The following CKMT1A variants were observed in gnomAD, a reference collection of about 807,000 sequenced individuals.
The protein encoded by CKMT1A is creatine kinase, mitochondrial 1A.
In CKMT1A, 23 loss-of-function variants were observed where a neutral mutation model predicts 21.8. That is an observed-to-expected ratio of 1.05 (90% CI 0.76 to 1.49). The LOEUF is 1.49. Ranked by LOEUF, CKMT1A falls within the 40% of genes most tolerant of loss-of-function variation. CKMT1A has a pLI of 0.00. For synonymous variants in CKMT1A, 67 were observed against 80.4 expected, an observed-to-expected ratio of 0.83 and a Z score of 0.89; for missense variants, 154 against 229.4, an observed-to-expected ratio of 0.67 and a Z score of 2.12.
Position 43,698,721 on chromosome 15 carries a change from C to A in CKMT1A, c.1092C>A (p.Gly364=), listed in dbSNP as rs199890737. The A allele has an allele frequency of 1.2e-6, 2 of 1,613,560 alleles. No homozygotes were observed. Among genetic ancestry groups the A allele is most frequent in the South Asian group, 2.2e-5 (2 of 91,032 alleles). Reference sequence around the variant, plus strand: ...GAGGAGTGGACACTGCTGCCACAGGCGGTGTCTTTGATATTTCTAATTTGG... The same window carrying A: ...GAGGAGTGGACACTGCTGCCACAGGAGGTGTCTTTGATATTTCTAATTTGG... ...GTGGVDTAAT[G]GVFDISNLDR... is the part of the protein sequence containing the mutation. The change falls in exon 8 of 9, where the codon GGC becomes GGA. Residue 364 remains glycine (G), a synonymous_variant. Coordinates refer to ENST00000413453, the MANE Select transcript of CKMT1A (RefSeq NM_001321926.2).
Position 43,697,245 on chromosome 15 carries a change from T to C in CKMT1A, c.877-769T>C, listed in dbSNP as rs1266726839. On this transcript the variant is annotated intron_variant, in intron 6 of 8. Transcript: ENST00000413453. Reference sequence around the variant, plus strand: ...TACAGGTAAAGTACTTGGTCCACAGTAAGTGCTTAATAAGTGTTAAAGTGT... The same window carrying C: ...TACAGGTAAAGTACTTGGTCCACAGCAAGTGCTTAATAAGTGTTAAAGTGT... 1.4e-5 allele frequency: 17 copies of C among 1,216,936 alleles called. No homozygotes were observed. In the Admixed American group the frequency reaches 6.0e-4, roughly 43 times the overall value. The allele number at this position is 1,216,936 out of a possible 1,614,324, so 75.4% of individuals were successfully genotyped here. A position where few individuals can be genotyped will look rare whatever the true frequency, so the allele number is the denominator to read the frequency against.
intron 6 of CKMT1A, 92 bp downstream of exon 6, chr15:43,696,455 C>G: frequency 2.5e-6 from 4 of 1,586,344 alleles, no homozygotes; most frequent in Non-Finnish European, 3.4e-6. Context: ...TCAACCAACC[C>G]AAGACATGTC....
chr15:43,698,616 C>T lies in CKMT1A; in HGVS notation c.1012-25C>T, dbSNP rs775984666. On this transcript the variant is annotated intron_variant, in intron 7 of 8. Coordinates refer to ENST00000413453, the MANE Select transcript of CKMT1A (RefSeq NM_001321926.2). ...CTAGTCTCTGCCTCTATTGACCCTG[C>T]TCCCAATCCCTATCTCCTCTCTAGG... The T allele has an allele frequency of 2.5e-6, 4 of 1,607,232 alleles. No individual in the cohort carries two copies. In the African/African-American group the frequency reaches 4.0e-5, roughly 16 times the overall value.
chr15:43,696,451 A>T, intron 6 of CKMT1A, 88 bp downstream of exon 6: 1 of 1,592,958 alleles, frequency 6.3e-7, no homozygotes, highest in Non-Finnish European at 8.6e-7. Flanking sequence ...TTTATCAACC[A>T]ACCCAAGACA....
At position 43,698,861 on chromosome 15, in the gene CKMT1A, A is replaced by G. The variant is rs1301623140; in HGVS notation, c.1137+95A>G. On this transcript the variant is annotated intron_variant, in intron 8 of 8. Transcript: ENST00000413453. ...GCCTCCGGGATGTAACATAATCTGAAATGAAATTCAGGTTGAGTGGGGAGG... is the reference window on the plus strand; with the variant it reads ...GCCTCCGGGATGTAACATAATCTGAGATGAAATTCAGGTTGAGTGGGGAGG... 8 of 1,602,944 alleles carry G rather than the reference A, an allele frequency of 5.0e-6. 1 individual carries two copies. Among genetic ancestry groups the G allele is most frequent in the African/African-American group, 4.0e-5 (3 of 74,706 alleles).
chr15:43,698,519 A>T, intron 7 of CKMT1A, 122 bp from the exon 8 acceptor site: 1 of 1,409,764 alleles, frequency 7.1e-7, no homozygotes. Context: ...AAAAAAAAAA[A>T]AAAAGAAAAA....
At position 43,695,679 on chromosome 15, in the gene CKMT1A, A is replaced by G. The variant is rs1219855023; in HGVS notation, c.445-9A>G. 3.8e-4 allele frequency: 8 copies of G among 20,788 alleles called. No individual in the cohort carries two copies. Among genetic ancestry groups the G allele is most frequent in the South Asian group, 2.7e-3 (8 of 2,930 alleles). The allele number at this position is 20,788 out of a possible 1,614,324, so 1.3% of individuals were successfully genotyped here. ...TCTGTGACTTACATTCATTTCCCTT[A>G]TCTCCCAGATCCGTTCTGGCTACTT... On this transcript the variant is annotated splice_polypyrimidine_tract_variant and intron_variant, in intron 3 of 8. Coordinates refer to ENST00000413453, the MANE Select transcript of CKMT1A (RefSeq NM_001321926.2).
Position 43,698,028 on chromosome 15 carries a change from C to G in CKMT1A, c.891C>G (p.Ile297Met). Residue 297 changes from isoleucine (I) to methionine (M), a missense_variant, in exon 7 of 9, where the codon ATC (isoleucine) becomes ATG (methionine). By Grantham distance (10) the Ile-to-Met change is conservative. Coordinates refer to ENST00000413453, the MANE Select transcript of CKMT1A (RefSeq NM_001321926.2). ...TGTGGACTCAGGTGGAGAGACTTAT[C>G]CAAGAACGTGGCTGGGAGTTCATGT... Reference protein sequence around the residue: ...CRGLKEVERLIQERGWEFMWN... With the variant: ...CRGLKEVERLMQERGWEFMWN... The G allele has an allele frequency of 6.2e-7, 1 of 1,613,422 alleles. No homozygotes were observed.
chr15:43,698,813 G>A, intron 8 of CKMT1A, 47 bp downstream of exon 8: 3 of 1,610,556 alleles, frequency 1.9e-6, no homozygotes, highest in African/African-American at 1.3e-5. Context: ...GGTCTGTGGG[G>A]GCTGAAATAT....
chr15:43,696,510 T>C (rs1178079487), intron 6 of CKMT1A, 147 bp downstream of exon 6: 1 of 1,288,308 alleles, frequency 7.8e-7, no homozygotes, highest in Non-Finnish European at 1.1e-6. Context: ...GGACTAAAGG[T>C]ATAAACCAGC....
At position 43,696,226 on chromosome 15, in the gene CKMT1A, T is replaced by C; in HGVS notation, c.753-14T>C. 1 of 1,560,950 alleles carries C rather than the reference T, an allele frequency of 6.4e-7. No homozygotes were observed. Among genetic ancestry groups the C allele is most frequent in the African/African-American group, 1.5e-5 (1 of 66,122 alleles). ...TGCCTTGCCTCTTGATCACTGTCCC[T>C]CTCCGGCCCTCAGGCACAACAATGA... On this transcript the variant is annotated splice_polypyrimidine_tract_variant and intron_variant, in intron 5 of 8. Coordinates refer to ENST00000413453, the MANE Select transcript of CKMT1A (RefSeq NM_001321926.2).
Position 43,698,685 on chromosome 15 carries a change from G to A in CKMT1A, c.1056G>A (p.Lys352=), listed in dbSNP as rs546043133. Residue 352 remains lysine, a synonymous_variant, in exon 8 of 9, where the codon AAG becomes AAA. Coordinates refer to ENST00000413453, the MANE Select transcript of CKMT1A (RefSeq NM_001321926.2). ...TCCTGGAGAACCTAAGACTCCAAAA[G>A]CGTGGTACTGGAGGAGTGGACACTG... The part of the protein sequence containing the change: ...PKILENLRLQ[K]RGTGGVDTAA... 2.2e-4 allele frequency: 358 copies of A among 1,613,238 alleles called. 3 individuals carry two copies. Among genetic ancestry groups the A allele is most frequent in the Middle Eastern group, 1.3e-3 (8 of 6,058 alleles).
chr15:43,698,771 G>A lies in CKMT1A; in HGVS notation c.1137+5G>A, dbSNP rs2086493361. The A allele has an allele frequency of 1.2e-6, 2 of 1,613,710 alleles. No individual in the cohort carries two copies. Among genetic ancestry groups the A allele is most frequent in the Non-Finnish European group, 1.7e-6 (2 of 1,179,846 alleles). On this transcript the variant is annotated splice_donor_5th_base_variant and intron_variant, in intron 8 of 8. Coordinates refer to ENST00000413453, the MANE Select transcript of CKMT1A (RefSeq NM_001321926.2). ...GACCGACTAGGCAAATCAGAGGTGA[G>A]ATCCTAAGGGATTAGGATGAGGAGA...
At position 43,699,047 on chromosome 15, in the gene CKMT1A, G is replaced by A. The variant is rs780233329; in HGVS notation, c.1212G>A (p.Gln404=). The change falls in exon 9 of 9, where the codon CAG becomes CAA. Residue 404 remains glutamine, a synonymous_variant. Coordinates refer to ENST00000413453, the MANE Select transcript of CKMT1A (RefSeq NM_001321926.2). ...GTGAACGGCGTCTGGAGAGAGGCCA[G>A]GATATCCGCATCCCCACACCTGTCA... ...IDCERRLERG[Q]DIRIPTPVIH... The A allele has an allele frequency of 5.0e-6, 8 of 1,613,342 alleles. No individual in the cohort carries two copies. Among genetic ancestry groups the A allele is most frequent in the Non-Finnish European group, 6.8e-6 (8 of 1,179,878 alleles).
At chr15:43,697,577 T>C (rs1250278289) in intron 6 of CKMT1A, 1 of 984,182 alleles carries the variant, frequency 1.0e-6, no homozygotes, top group Non-Finnish European at 1.2e-6. Flanking sequence ...TAATAGAACG[T>C]TATCTCACCT....
In CKMT1A at chr15:43,697,623, G is replaced by A. The variant is rs1281466695; in HGVS notation, c.877-391G>A. 3.0e-6 allele frequency: 3 copies of A among 984,664 alleles called. No homozygotes were observed. In the African/African-American group the frequency reaches 5.3e-5, roughly 17 times the overall value. 61.0% of individuals were successfully genotyped at this position (984,664 alleles called of 1,614,324 possible). A position where few individuals can be genotyped will look rare whatever the true frequency, so the allele number is the denominator to read the frequency against. On this transcript the variant is annotated intron_variant, in intron 6 of 8. Transcript: ENST00000413453. ...AAGCTTACACCTTCATCTTCTGTCT[G>A]AAAGGACCCTTCCAAGCTCTAGGCT...
At chr15:43,697,800 C>T (rs1427016470) in intron 6 of CKMT1A, 2 of 984,098 alleles carry the variant, frequency 2.0e-6, no homozygotes, top group Non-Finnish European at 2.4e-6. Flanking sequence ...TATTTTTTCA[C>T]AATCTCATTA....
At chr15:43,696,945 C>T (rs2086456317) in intron 6 of CKMT1A, 1 of 298,698 alleles carries the variant, frequency 3.3e-6, no homozygotes. Context: ...GATTGGGTCT[C>T]CGTATTCAAG....
At chr15:43,697,398 G>A in intron 6 of CKMT1A, 3 of 984,990 alleles carry the variant, frequency 3.0e-6, no homozygotes, top group Non-Finnish European at 3.6e-6. Context: ...TGGTCTTTGT[G>A]ATCATCACTC....
Sources: gnomAD v4.1 joint callset for allele counts on GRCh38, gnomAD v4.1.1 for gene constraint, MANE v1.5 for transcripts, NCBI Gene and HGNC (gene_info 2026-07-23, HGNC 2026-07-21) for gene names.